Variants in PSD3 observed in about 807,000 individuals in gnomAD.
PSD3 encodes the protein pleckstrin and Sec7 domain containing 3.
A neutral mutation model predicts 105.5 loss-of-function variants in PSD3; 49 were observed. The ratio of observed to expected loss-of-function variants is 0.46; its 90% CI spans 0.37 to 0.59. The LOEUF (loss-of-function observed/expected upper bound fraction) is 0.59. Among genes scored for constraint, PSD3 ranks in the 20% least tolerant of loss-of-function variants. The pLI is 0.00. For synonymous variants in PSD3, 557 were observed against 457.8 expected (o/e 1.22, Z -2.77); for missense variants, 1,561 against 1,263.8 (o/e 1.24, Z -3.57).
At chr8:18,817,730 C>T (rs1812330792) in intron 4 of PSD3, among the ~76,000 whole-genome samples, 1 of 152,146 alleles carries the variant, frequency 6.6e-6, no homozygotes, top group Admixed American at 6.5e-5. Flanking sequence ...AATCTAGAGA[C>T]TCTGATCAGC....
chr8:18,843,629 A>G (rs1586199002), intron 4 of PSD3, among the ~76,000 whole-genome samples: 1 of 152,168 alleles, frequency 6.6e-6, no homozygotes, highest in Non-Finnish European at 1.5e-5. Flanking sequence ...GGCATCAAAA[A>G]CGGTACAAAG....
rs183308052 is a variant in PSD3 at position 18,907,616 on chromosome 8, A to C, written c.130+28418T>G. Among the ~76,000 whole-genome samples the C allele has an allele frequency of 1.6e-4, 25 of 152,364 alleles. No homozygotes were observed. The East Asian group carries it at 4.6e-3, about 28-fold the overall frequency. On this transcript the variant is annotated intron_variant, in intron 2 of 15. Coordinates refer to ENST00000327040, the MANE Select transcript of PSD3 (RefSeq NM_015310.4). ...CACAGGATTAGAGCCTAGGAGCAAT[A>C]AGCTATACCATATAGCCTAGGTGTG...
intron 12 of PSD3, among the ~76,000 whole-genome samples, chr8:18,591,394 A>G (rs2465882): frequency 6.6e-6 from 1 of 152,130 alleles, no homozygotes; most frequent in South Asian, 2.1e-4. Context: ...AGAACAAAGG[A>G]AAGTGGTGGG....
chr8:19,037,259 G>A (rs999587182), intron 1 of PSD3, among the ~76,000 whole-genome samples: 3 of 152,268 alleles, frequency 2.0e-5, no homozygotes, highest in Admixed American at 1.3e-4. Flanking sequence ...AGAGCCACCA[G>A]TGGGGACACT....
intron 2 of PSD3, among the ~76,000 whole-genome samples, chr8:18,902,359 C>G (rs1819557960): frequency 6.6e-6 from 1 of 152,168 alleles, no homozygotes; most frequent in Admixed American, 6.5e-5. Flanking sequence ...TAATTTCTCT[C>G]TCTTTGCTGA....
At chr8:18,846,400 T>C (rs1363366114) in intron 4 of PSD3, among the ~76,000 whole-genome samples, 4 of 152,018 alleles carry the variant, frequency 2.6e-5, no homozygotes, top group East Asian at 1.9e-4. Context: ...AACAGAAACG[T>C]AGGGGGCGGA....
chr8:18,673,811 T>A (rs1445537120), intron 9 of PSD3, among the ~76,000 whole-genome samples: 1 of 152,016 alleles, frequency 6.6e-6, no homozygotes, highest in Non-Finnish European at 1.5e-5. Context: ...GTCCAAAACC[T>A]CTGGATTAAA....
rs201016537 is a variant in PSD3, at chr8:18,544,171, C to CAAAAAAAAAAAAAAAAAAAAAAAAAA, written c.2929-8239_2929-8214dup. Among the ~76,000 whole-genome samples the CAAAAAAAAAAAAAAAAAAAAAAAAAA allele has an allele frequency of 1.1e-4, 12 of 106,720 alleles. 1 individual carries two copies. Among genetic ancestry groups the CAAAAAAAAAAAAAAAAAAAAAAAAAA allele is most frequent in the African/African-American group, 2.5e-4 (5 of 20,244 alleles). The allele number at this position is 106,720 out of a possible 152,430, so 70.0% of individuals were successfully genotyped here. A position where few individuals can be genotyped will look rare whatever the true frequency, so the allele number is the denominator to read the frequency against. On this transcript the variant is annotated intron_variant, in intron 15 of 15. Coordinates refer to ENST00000327040, the MANE Select transcript of PSD3 (RefSeq NM_015310.4). ...TACAATGGAAAACAAAGAAACAAAC[C>CAAAAAAAAAAAAAAAAAAAAAAAAAA]AAAAAAAAAAAAAAAAAAAAAAAAA...
intron 10 of PSD3, among the ~76,000 whole-genome samples, chr8:18,641,127 A>C (rs1384947422): frequency 2.0e-5 from 3 of 152,194 alleles, no homozygotes; most frequent in African/African-American, 7.2e-5. Context: ...TAGCCAGAAC[A>C]TTACAGAAGG....
intron 4 of PSD3, among the ~76,000 whole-genome samples, chr8:18,812,941 T>A (rs2129448519): frequency 6.6e-6 from 1 of 152,240 alleles, no homozygotes; most frequent in South Asian, 2.1e-4. Flanking sequence ...CAATCAGACT[T>A]GGGTTTTGGT....
chr8:18,959,480 C>G (rs1373408842), intron 1 of PSD3, among the ~76,000 whole-genome samples: 1 of 152,076 alleles, frequency 6.6e-6, no homozygotes, highest in Non-Finnish European at 1.5e-5. Flanking sequence ...CACTCTAGCT[C>G]TGCACATCTG....
chr8:18,707,457 G>C (rs1280556507), intron 9 of PSD3, among the ~76,000 whole-genome samples: 2 of 152,192 alleles, frequency 1.3e-5, no homozygotes, highest in East Asian at 3.9e-4. Flanking sequence ...TTGGCAGATT[G>C]GAGGATTGGG....
At chr8:18,601,878 G>A (rs1322749384) in intron 11 of PSD3, among the ~76,000 whole-genome samples, 1 of 152,204 alleles carries the variant, frequency 6.6e-6, no homozygotes, top group Non-Finnish European at 1.5e-5. Context: ...GCAGAGCAGG[G>A]CCTCAGGTGG....
At chr8:19,044,846 G>C (rs10087327) in intron 1 of PSD3, among the ~76,000 whole-genome samples, 3 of 152,040 alleles carry the variant, frequency 2.0e-5, no homozygotes, top group Non-Finnish European at 4.4e-5. Context: ...AAATGTGAAG[G>C]CTTAAGCATG....
intron 9 of PSD3, chr8:18,762,777 T>A (rs1241327487): frequency 1.2e-5 from 5 of 431,124 alleles, no homozygotes; most frequent in African/African-American, 1.0e-4. Context: ...ATCAACTGAA[T>A]TGAAGGACTG....
At chr8:19,030,375 C>T (rs114752286) in intron 1 of PSD3, among the ~76,000 whole-genome samples, 1 of 151,950 alleles carries the variant, frequency 6.6e-6, no homozygotes, top group East Asian at 1.9e-4. Context: ...GATATTTGTC[C>T]CCACCCAAAT....
chr8:18,894,665 A>C (rs1214144986), intron 2 of PSD3, among the ~76,000 whole-genome samples: 1 of 152,230 alleles, frequency 6.6e-6, no homozygotes, highest in African/African-American at 2.4e-5. Context: ...AAGAATAAAG[A>C]AAGGCAAATA....
chr8:18,921,469 G>A (rs1042897476), intron 2 of PSD3, among the ~76,000 whole-genome samples: 1 of 152,196 alleles, frequency 6.6e-6, no homozygotes, highest in Non-Finnish European at 1.5e-5. Context: ...AGCCTAGGAA[G>A]CTTTATTATT....
chr8:18,662,063 G>A (rs1809388107), intron 9 of PSD3, among the ~76,000 whole-genome samples: 1 of 151,538 alleles, frequency 6.6e-6, no homozygotes, highest in South Asian at 2.1e-4. Context: ...GCTGAAATCT[G>A]TATCTCGGGC....
Sources: gnomAD v4.1 joint callset for allele counts (sites outside exome capture counted in the v4.1 genomes callset) on GRCh38, gnomAD v4.1.1 for gene constraint, MANE v1.5 for transcripts, NCBI Gene and HGNC (gene_info 2026-07-23, HGNC 2026-07-21) for gene names.